ERI1: variants seen among roughly 807,000 people sequenced by gnomAD.
ERI1 encodes the protein exoribonuclease 1.
Under a neutral mutation model 39.7 loss-of-function variants are expected in ERI1, and 39 were observed. That is an observed-to-expected ratio of 0.98 (90% CI 0.76 to 1.28). The LOEUF is 1.28. Among genes scored for constraint, ERI1 ranks in the 50% most tolerant of loss-of-function variants. The pLI, the probability that ERI1 is intolerant of heterozygous loss-of-function variation, is 0.00. For synonymous variants in ERI1, 204 were observed against 149.6 expected (o/e 1.36, Z -2.65); for missense variants, 581 against 416.9 (o/e 1.39, Z -3.43).
intron 6 of ERI1, among the ~76,000 whole-genome samples, chr8:9,024,566 G>T (rs764191062): frequency 6.6e-5 from 10 of 151,986 alleles, no homozygotes; most frequent in Non-Finnish European, 1.2e-4. Context: ...GATTACAGGT[G>T]CCTCCCACCA....
Position 9,043,171 on chromosome 8 carries a change from A to G in ERI1, n.299+22707A>G, listed in dbSNP as rs540158346. 7.2e-5 allele frequency among the ~76,000 whole-genome samples: 11 copies of G among 152,308 alleles called. 1 individual carries two copies. Among genetic ancestry groups the G allele is most frequent in the African/African-American group, 2.6e-4 (11 of 41,560 alleles). On this transcript the variant is annotated intron_variant and non_coding_transcript_variant, in intron 3 of 3. Transcript: ENST00000518663. Reference sequence around the variant, plus strand: ...GTGTTATTCTACTTCTTCGTGTATAATTGATGCAAACCATTTCTGACATCC... The same window carrying G: ...GTGTTATTCTACTTCTTCGTGTATAGTTGATGCAAACCATTTCTGACATCC...
chr8:9,016,530 C>A, intron 4 of ERI1, 125 bp downstream of exon 4: 1 of 426,134 alleles, frequency 2.3e-6, no homozygotes. Context: ...TGGTAAAGAT[C>A]TTTCATGTTG....
At chr8:9,041,891 C>T (rs554611950) in intron 3 of ERI1, among the ~76,000 whole-genome samples, 240 of 152,252 alleles carry the variant, frequency 1.6e-3, no homozygotes, top group African/African-American at 4.6e-3. Flanking sequence ...TGCACCACCA[C>T]GCCCAGCTGA....
At chr8:9,077,584 G>GT (rs1799246527) in intron 3 of ERI1, among the ~76,000 whole-genome samples, 1 of 152,206 alleles carries the variant, frequency 6.6e-6, no homozygotes. Flanking sequence ...GAAATGCACT[G>GT]TGAACAAAGG....
chr8:9,054,662 C>T (rs149473878), intron 3 of ERI1, among the ~76,000 whole-genome samples: 5 of 152,248 alleles, frequency 3.3e-5, no homozygotes, highest in Admixed American at 6.5e-5. Context: ...CCATGGCCCA[C>T]GCCTGTGATC....
At chr8:9,081,668 C>T (rs6986226) in intron 3 of ERI1, among the ~76,000 whole-genome samples, 79,451 of 150,250 alleles carry the variant, frequency 0.53, 22,555 homozygotes, top group African/African-American at 0.69. Context: ...TCTTCCTTTC[C>T]TCTTCTTCTT....
At chr8:9,028,118 A>C (rs143813655) in intron 6 of ERI1, among the ~76,000 whole-genome samples, 30 of 152,292 alleles carry the variant, frequency 2.0e-4, no homozygotes, top group Non-Finnish European at 4.0e-4. Flanking sequence ...TTTCTTCTTC[A>C]ATTTTTTTGT....
intron 3 of ERI1, among the ~76,000 whole-genome samples, chr8:9,040,326 G>T (rs1797974905): frequency 6.6e-6 from 1 of 152,176 alleles, no homozygotes; most frequent in African/African-American, 2.4e-5. Flanking sequence ...CGGAAGTTTA[G>T]AACGGGGAAA....
chr8:9,024,530 C>G (rs558892378), intron 6 of ERI1, among the ~76,000 whole-genome samples: 4 of 152,094 alleles, frequency 2.6e-5, no homozygotes, highest in Non-Finnish European at 5.9e-5. Context: ...AATCAATTCT[C>G]CTGCCTCAGC....
chr8:9,005,384 T>C (rs945849684), intron 1 of ERI1, among the ~76,000 whole-genome samples: 1 of 151,968 alleles, frequency 6.6e-6, no homozygotes, highest in African/African-American at 2.4e-5. Context: ...ATTGTGTTCC[T>C]TTAAAAAAAT....
At chr8:9,050,003 A>G (rs1430166051) in intron 3 of ERI1, among the ~76,000 whole-genome samples, 3 of 152,154 alleles carry the variant, frequency 2.0e-5, no homozygotes, top group Non-Finnish European at 4.4e-5. Flanking sequence ...CCTCCCCATC[A>G]TACAGGATTA....
chr8:9,041,581 T>TG (rs1264116377), intron 3 of ERI1, among the ~76,000 whole-genome samples: 1 of 152,190 alleles, frequency 6.6e-6, no homozygotes, highest in Non-Finnish European at 1.5e-5. Context: ...TGCTCCTGAA[T>TG]GATCAATGGG....
intron 1 of ERI1, among the ~76,000 whole-genome samples, chr8:9,006,579 CAA>C (rs1270746009): frequency 1.3e-5 from 2 of 152,018 alleles, no homozygotes; most frequent in African/African-American, 4.8e-5. Flanking sequence ...AATTTAAAGT[CAA>C]AAGATAATTT....
chr8:9,080,807 T>TG (rs1048715564), intron 3 of ERI1, among the ~76,000 whole-genome samples: 1 of 152,138 alleles, frequency 6.6e-6, no homozygotes, highest in Non-Finnish European at 1.5e-5. Flanking sequence ...ATCAGCTAAA[T>TG]GGGGGGTGGA....
chr8:9,016,234 C>G (rs1334721917), intron 3 of ERI1, 88 bp from the exon 4 acceptor site: 1 of 659,742 alleles, frequency 1.5e-6, no homozygotes. Context: ...TATGAAATTG[C>G]AACCTGCTGT....
chr8:9,076,556 A>C (rs1799217755), intron 3 of ERI1, among the ~76,000 whole-genome samples: 1 of 152,212 alleles, frequency 6.6e-6, no homozygotes, highest in African/African-American at 2.4e-5. Context: ...TAAGGAAAAG[A>C]GGTGGGTGGG....
chr8:9,035,172 CAAGTTATCTAGCTAAGATCTAGCT>C (rs1018052270), downstream of ERI1, among the ~76,000 whole-genome samples: 23 of 152,344 alleles, frequency 1.5e-4, no homozygotes, highest in East Asian at 9.6e-4. Context: ...GAAATTATAG[CAAGTTATCTAGCTAAGATCTAGCT>C]AAGTTATCTA....
At chr8:9,040,674 TTC>T (rs2117344338) in intron 3 of ERI1, among the ~76,000 whole-genome samples, 1 of 152,096 alleles carries the variant, frequency 6.6e-6, no homozygotes, top group East Asian at 1.9e-4. Flanking sequence ...TGTTGAAAAT[TTC>T]TGTTATTTTT....
intron 3 of ERI1, chr8:9,062,559 C>T (rs1456452548): frequency 8.5e-6 from 1 of 117,680 alleles, no homozygotes; most frequent in Non-Finnish European, 1.9e-5. Flanking sequence ...GGGAAACAGG[C>T]CCTTGAAAAG....
Sources: gnomAD v4.1 joint callset for allele counts (sites outside exome capture counted in the v4.1 genomes callset) on GRCh38, gnomAD v4.1.1 for gene constraint, MANE v1.5 for transcripts, NCBI Gene and HGNC (gene_info 2026-07-23, HGNC 2026-07-21) for gene names.